The following SIM2 variants were observed in gnomAD, a reference collection of about 807,000 sequenced individuals.
SIM2 encodes the protein single-minded homolog 2.
SIM2 carries 28 observed loss-of-function variants against 64.8 expected under a neutral mutation model. The observed-to-expected ratio is 0.43, with a 90% CI of 0.32 to 0.59. The LOEUF (loss-of-function observed/expected upper bound fraction) is 0.59. Ranked by LOEUF, SIM2 falls within the 20% of genes least tolerant of loss-of-function variation. The pLI, the probability that SIM2 is intolerant of heterozygous loss-of-function variation, is 0.07. For synonymous variants in SIM2, 408 were observed against 391.1 expected, an observed-to-expected ratio of 1.04 and a Z score of -0.51; for missense variants, 847 against 871.4, an observed-to-expected ratio of 0.97 and a Z score of 0.35.
chr21:36,713,891 T>A (rs1177698420), intron 3 of SIM2, among the ~76,000 whole-genome samples: 3 of 152,268 alleles, frequency 2.0e-5, no homozygotes, highest in Non-Finnish European at 4.4e-5. Context: ...GAAGTTTTTC[T>A]CTTCCTCTTC....
intron 7 of SIM2, among the ~76,000 whole-genome samples, chr21:36,737,585 T>G (rs953613370): frequency 1.3e-5 from 2 of 152,232 alleles, no homozygotes; most frequent in African/African-American, 4.8e-5. Flanking sequence ...GATGTCCACA[T>G]GGCTATTCTT....
At chr21:36,719,692 G>A in intron 3 of SIM2, 129 bp from the exon 4 acceptor site, 2 of 658,054 alleles carry the variant, frequency 3.0e-6, no homozygotes, top group Non-Finnish European at 5.6e-6. Flanking sequence ...GTTTGGCAAA[G>A]GTGTGGGTTG....
rs538832547 is a variant in SIM2 at position 36,729,843 on chromosome 21, G to A, written c.744-1202G>A. ...TGCAGCTTCCACCTACGGCCAGAGCGATCCTGATGCGGGTGATGATGTGGT... is the reference window on the plus strand; with the variant it reads ...TGCAGCTTCCACCTACGGCCAGAGCAATCCTGATGCGGGTGATGATGTGGT... On this transcript the variant is annotated intron_variant, in intron 6 of 10. Transcript: ENST00000290399. Among the ~76,000 whole-genome samples the A allele has an allele frequency of 1.1e-4, 17 of 152,320 alleles. No individual in the cohort carries two copies. In the East Asian group the frequency reaches 2.7e-3, roughly 24 times the overall value.
chr21:36,730,511 GTGTT>G (rs1265421192), intron 6 of SIM2, among the ~76,000 whole-genome samples: 1 of 152,210 alleles, frequency 6.6e-6, no homozygotes, highest in Non-Finnish European at 1.5e-5. Flanking sequence ...TGGGGACAGA[GTGTT>G]TGGGATCATG....
chr21:36,718,975 A>T (rs1451080785), intron 3 of SIM2, among the ~76,000 whole-genome samples: 1 of 152,184 alleles, frequency 6.6e-6, no homozygotes, highest in Non-Finnish European at 1.5e-5. Flanking sequence ...TGTAACTATG[A>T]TGGGTATTTT....
chr21:36,736,189 G>A (rs1376529323), intron 7 of SIM2, among the ~76,000 whole-genome samples: 1 of 152,198 alleles, frequency 6.6e-6, no homozygotes, highest in Non-Finnish European at 1.5e-5. Context: ...CTCACAGTGA[G>A]ATGCCCAGAC....
At chr21:36,733,047 T>C (rs2123477882) in intron 7 of SIM2, among the ~76,000 whole-genome samples, 1 of 152,264 alleles carries the variant, frequency 6.6e-6, no homozygotes, top group Non-Finnish European at 1.5e-5. Context: ...TGACCAGCTG[T>C]TCTAAGGGAA....
At chr21:36,705,132 C>CA (rs536600170) in intron 1 of SIM2, among the ~76,000 whole-genome samples, 97 of 152,316 alleles carry the variant, frequency 6.4e-4, no homozygotes, top group African/African-American at 2.1e-3. Context: ...CTGAGCCTAC[C>CA]GCCCTTGCAG....
At chr21:36,737,785 C>T (rs1278912766) in intron 7 of SIM2, among the ~76,000 whole-genome samples, 1 of 151,762 alleles carries the variant, frequency 6.6e-6, no homozygotes, top group African/African-American at 2.4e-5. Context: ...CATGGTGAAA[C>T]CCCGTCTCTA....
intron 2 of SIM2, chr21:36,709,576 C>T (rs1056282193): frequency 6.3e-5 from 30 of 475,066 alleles, no homozygotes; most frequent in Non-Finnish European, 1.2e-4. Flanking sequence ...GCAGGTTCCA[C>T]CCAGCGCTTG....
chr21:36,710,958 G>A (rs983293219), intron 2 of SIM2, among the ~76,000 whole-genome samples: 5 of 152,160 alleles, frequency 3.3e-5, no homozygotes, highest in Non-Finnish European at 7.4e-5. Flanking sequence ...TAAGTGCTGG[G>A]GAACTTCAAT....
intron 7 of SIM2, among the ~76,000 whole-genome samples, chr21:36,736,766 T>A: frequency 7.1e-6 from 1 of 140,078 alleles, no homozygotes; most frequent in African/African-American, 2.8e-5. Context: ...CCTCCCTCCC[T>A]TTCTTCTTTC....
Position 36,747,901 on chromosome 21 carries a change from G to A in SIM2, c.1813G>A (p.Val605Met). The A allele has an allele frequency of 9.4e-7, 1 of 1,068,832 alleles. No homozygotes were observed. Among genetic ancestry groups the A allele is most frequent in the Non-Finnish European group, 1.1e-6 (1 of 876,182 alleles). 66.2% of individuals were successfully genotyped at this position (1,068,832 alleles called of 1,614,324 possible). A position where few individuals can be genotyped will look rare whatever the true frequency, so the allele number is the denominator to read the frequency against. Residue 605 changes from valine to methionine, a missense_variant, in exon 11 of 11, where the codon GTG becomes ATG. Coordinates refer to ENST00000290399, the MANE Select transcript of SIM2 (RefSeq NM_005069.6). This position sits in a 1 kb window ranked among gnomAD's most constrained non-coding sequence, Gnocchi z 4.5. ...CTTCGTGCTGCTCAACTACCACCGC[G>A]TGCTGGCCCGGCGCGGACCGCTGGG... ...LPFVLLNYHR[V>M]LARRGPLGGA...
intron 7 of SIM2, among the ~76,000 whole-genome samples, chr21:36,737,378 C>T (rs2089078907): frequency 6.6e-6 from 1 of 152,190 alleles, no homozygotes; most frequent in African/African-American, 2.4e-5. Context: ...GCTCTGCCTC[C>T]CCGCTTTCTT....
At chr21:36,722,064 A>G (rs1007162581) in intron 4 of SIM2, among the ~76,000 whole-genome samples, 4 of 152,152 alleles carry the variant, frequency 2.6e-5, no homozygotes, top group African/African-American at 9.7e-5. Context: ...CGTGTCTGAA[A>G]TGACCCCCGT....
intron 5 of SIM2, among the ~76,000 whole-genome samples, chr21:36,724,411 T>C (rs2088863388): frequency 6.6e-6 from 1 of 152,188 alleles, no homozygotes; most frequent in Admixed American, 6.5e-5. Context: ...TCTGTGTAGC[T>C]GGGGCCACAG....
Position 36,699,535 on chromosome 21 carries a change from G to C in SIM2, c.-212G>C, listed in dbSNP as rs988030912. 5.2e-6 allele frequency: 2 copies of C among 381,922 alleles called. No homozygotes were observed. Among genetic ancestry groups the C allele is most frequent in the Admixed American group, 5.0e-5 (1 of 20,186 alleles). The allele number at this position is 381,922 out of a possible 1,614,324, so 23.7% of individuals were successfully genotyped here. On this transcript the variant is annotated 5_prime_UTR_variant, in exon 1 of 11. Transcript: ENST00000290399. This position sits in a 1 kb window ranked among gnomAD's most constrained non-coding sequence, Gnocchi z 5.6. ...AGGAGGCTGCGCTCCGGGCAGCGGC[G>C]GGCGGCGCCGCCGGGTTGCTCGGAG... is the stretch of plus-strand genomic sequence containing the variant.
intron 2 of SIM2, chr21:36,710,294 G>A (rs1175248244): frequency 6.6e-6 from 1 of 152,224 alleles, no homozygotes; most frequent in Non-Finnish European, 1.5e-5. Context: ...TTGGAGCCAG[G>A]TGCTTAGCGC....
At chr21:36,710,426 G>C (rs1001710797) in intron 2 of SIM2, 3 of 152,234 alleles carry the variant, frequency 2.0e-5, no homozygotes, top group African/African-American at 4.8e-5. Context: ...GCCACTTCCA[G>C]GTGGGCTGTT....
Sources: gnomAD v4.1 joint callset for allele counts (sites outside exome capture counted in the v4.1 genomes callset) on GRCh38, gnomAD v4.1.1 for gene constraint, Gnocchi (gnomAD v3.1) non-coding constraint, MANE v1.5 for transcripts, NCBI Gene and HGNC (gene_info 2026-07-23, HGNC 2026-07-21) for gene names.